Variants in GRIN2A observed in about 807,000 individuals in gnomAD.
GRIN2A encodes glutamate receptor ionotropic, NMDA 2A.
GRIN2A carries 22 observed loss-of-function variants against 113.4 expected under a neutral mutation model. The observed-to-expected ratio is 0.19, with a 90% CI of 0.14 to 0.28. The LOEUF is 0.28. GRIN2A is among the 10% of genes least tolerant of loss of function. The probability of loss-of-function intolerance (pLI) is 1.00; values close to 1 mark genes in which losing one functional copy is unlikely to be tolerated. For synonymous variants in GRIN2A, 827 were observed against 738.4 expected (o/e 1.12, Z -1.94); for missense variants, 1,502 against 1,887.0 (o/e 0.80, Z 3.78).
intron 12 of GRIN2A, among the ~76,000 whole-genome samples, chr16:9,767,666 G>A (rs181114405): frequency 3.3e-4 from 50 of 152,266 alleles, no homozygotes; most frequent in African/African-American, 1.1e-3. Context: ...TAAATAGATG[G>A]ATGCATAGAT....
At chr16:10,028,192 G>A (rs1235996194) in intron 2 of GRIN2A, among the ~76,000 whole-genome samples, 1 of 152,238 alleles carries the variant, frequency 6.6e-6, no homozygotes, top group Non-Finnish European at 1.5e-5. Flanking sequence ...CAGGAACTGT[G>A]ATTGTGCCCA....
chr16:9,803,195 G>A (rs1451255728), intron 10 of GRIN2A, among the ~76,000 whole-genome samples: 3 of 151,944 alleles, frequency 2.0e-5, no homozygotes, highest in African/African-American at 4.8e-5. Flanking sequence ...ACCTGAGGTC[G>A]GGAGTTTGAG....
intron 2 of GRIN2A, among the ~76,000 whole-genome samples, chr16:10,060,567 G>A (rs537639437): frequency 2.6e-5 from 4 of 152,276 alleles, no homozygotes; most frequent in South Asian, 2.1e-4. Flanking sequence ...AATGCTAACT[G>A]CATGCTAAAA....
chr16:10,069,191 G>C (rs1226809615), intron 2 of GRIN2A, among the ~76,000 whole-genome samples: 1 of 152,190 alleles, frequency 6.6e-6, no homozygotes, highest in Non-Finnish European at 1.5e-5. Context: ...GAGACCAGTG[G>C]AGGCTGCTTC....
intron 2 of GRIN2A, among the ~76,000 whole-genome samples, chr16:9,998,921 A>G (rs2046273787): frequency 6.6e-6 from 1 of 152,178 alleles, no homozygotes. Context: ...GCTGAGGGAC[A>G]TAAACATCCT....
chr16:10,055,611 A>G (rs939618377), intron 2 of GRIN2A, among the ~76,000 whole-genome samples: 4 of 152,258 alleles, frequency 2.6e-5, no homozygotes, highest in Non-Finnish European at 4.4e-5. Context: ...ACCAAGCTGC[A>G]AACTCCCTAT....
rs1268346603 is a variant in GRIN2A at position 9,764,245 on chromosome 16, T to C, written c.3299A>G (p.Glu1100Gly). 5 of 1,613,972 alleles carry C rather than the reference T, an allele frequency of 3.1e-6. No individual in the cohort carries two copies. The highest frequency in any genetic ancestry group is 1.3e-5 in the African/African-American group (1 of 74,894). ...VASKYPKDCS[E>G]VERTYLKTKS... The stretch of plus-strand genomic sequence containing the variant: ...GGTTTTCAGGTAGGTGCGCTCGACC[T>C]CACTACAGTCCTTGGGGTATTTGGA... Residue 1100 changes from glutamate to glycine, a missense_variant, in exon 13 of 13, where the codon GAG becomes GGG. This residue lies in a region of GRIN2A where 832 missense variants were observed against 789.7 expected (regional missense o/e 1.05). Coordinates refer to ENST00000330684, the MANE Select transcript of GRIN2A (RefSeq NM_001134407.3).
rs895893672 is a variant in GRIN2A, at chr16:9,758,354, C to A, written c.*4795G>T. ...AAATGCGAGCAGAATATATTCTATA[C>A]CCCTCATCCCAGAGTTTTGTTTTTT... On this transcript the variant is annotated 3_prime_UTR_variant, in exon 13 of 13. Coordinates refer to ENST00000330684, the MANE Select transcript of GRIN2A (RefSeq NM_001134407.3). 1 of 223,734 alleles carries A rather than the reference C, an allele frequency of 4.5e-6. No individual in the cohort carries two copies. Among genetic ancestry groups the A allele is most frequent in the South Asian group, 1.8e-4 (1 of 5,434 alleles). 13.9% of individuals were successfully genotyped at this position (223,734 alleles called of 1,614,324 possible). A position where few individuals can be genotyped will look rare whatever the true frequency, so the allele number is the denominator to read the frequency against.
chr16:10,138,885 T>C (rs1266668886), intron 2 of GRIN2A, among the ~76,000 whole-genome samples: 1 of 152,240 alleles, frequency 6.6e-6, no homozygotes, highest in Non-Finnish European at 1.5e-5. Context: ...GGATAGTTTA[T>C]TGAATGATGA....
At chr16:10,026,907 C>T (rs2046832932) in intron 2 of GRIN2A, among the ~76,000 whole-genome samples, 1 of 152,202 alleles carries the variant, frequency 6.6e-6, no homozygotes, top group African/African-American at 2.4e-5. Context: ...CGATCAAGTT[C>T]TCTCCTATTC....
In GRIN2A at chr16:9,769,034, C is replaced by T; in HGVS notation, c.2412G>A (p.Lys804=). The T allele has an allele frequency of 6.2e-7, 1 of 1,614,218 alleles. No individual in the cohort carries two copies. Among genetic ancestry groups the T allele is most frequent in the Non-Finnish European group, 8.5e-7 (1 of 1,180,030 alleles). Residue 804 remains lysine (K), a synonymous_variant, in exon 12 of 13, where the codon AAG becomes AAA. Transcript: ENST00000330684. ...LWLTGICHNE[K]NEVMSSQLDI... is the part of the protein sequence containing the mutation. ...CCAGCTGGCTGCTCATCACCTCGTT[C>T]TTCTCGTTGTGGCAGATCCCAGTGA...
chr16:10,148,174 C>T (rs1344119775), intron 2 of GRIN2A, among the ~76,000 whole-genome samples: 2 of 152,196 alleles, frequency 1.3e-5, no homozygotes, highest in Non-Finnish European at 2.9e-5. Context: ...ATCCAGTCCA[C>T]CACCCAGTTT....
intron 2 of GRIN2A, among the ~76,000 whole-genome samples, chr16:9,967,390 T>C (rs1485863683): frequency 6.6e-6 from 1 of 152,120 alleles, no homozygotes; most frequent in African/African-American, 2.4e-5. Context: ...GGAGCTAAGC[T>C]ATGACGATGC....
chr16:10,135,469 T>C (rs1207982565), intron 2 of GRIN2A, among the ~76,000 whole-genome samples: 1 of 152,240 alleles, frequency 6.6e-6, no homozygotes, highest in Non-Finnish European at 1.5e-5. Flanking sequence ...TTTTCTCTGA[T>C]GTGTCTCCAA....
chr16:10,090,071 A>T (rs1457901161), intron 2 of GRIN2A, among the ~76,000 whole-genome samples: 1 of 152,182 alleles, frequency 6.6e-6, no homozygotes, highest in African/African-American at 2.4e-5. Context: ...TTTAGTATTT[A>T]GGACCTACCA....
At chr16:10,007,932 G>A (rs535073626) in intron 2 of GRIN2A, among the ~76,000 whole-genome samples, 1 of 152,236 alleles carries the variant, frequency 6.6e-6, no homozygotes, top group East Asian at 1.9e-4. Context: ...AGCTTACTCT[G>A]ACAAGTCATT....
Position 9,755,977 on chromosome 16 carries a change from G to C in GRIN2A, c.*7172C>G, listed in dbSNP as rs1027892444. ...GCAGAAACTCTATTTCCTATTCCCT[G>C]TCCCACCTCTGAAACTCATTCCATC... On this transcript the variant is annotated 3_prime_UTR_variant, in exon 13 of 13. Transcript: ENST00000330684. 1 of 218,544 alleles carries C rather than the reference G, an allele frequency of 4.6e-6. No individual in the cohort carries two copies. Among genetic ancestry groups the C allele is most frequent in the African/African-American group, 2.2e-5 (1 of 44,520 alleles). The allele number at this position is 218,544 out of a possible 1,614,324, so 13.5% of individuals were successfully genotyped here.
At chr16:9,903,356 A>G (rs1479166395) in intron 3 of GRIN2A, among the ~76,000 whole-genome samples, 2 of 152,030 alleles carry the variant, frequency 1.3e-5, no homozygotes, top group African/African-American at 4.8e-5. Context: ...ACTTTCACAC[A>G]TTTGGTCCCA....
chr16:10,043,990 CGTGT>C (rs754929136), intron 2 of GRIN2A, among the ~76,000 whole-genome samples: 1 of 107,600 alleles, frequency 9.3e-6, no homozygotes, highest in African/African-American at 3.6e-5. Context: ...TATACACATA[CGTGT>C]GTGTGTGTGT....
Sources: allele counts gnomAD v4.1 joint callset (sites outside exome capture counted in the v4.1 genomes callset), GRCh38; gene constraint gnomAD v4.1.1; regional missense constraint gnomAD v4.1.1; transcripts MANE v1.5; gene names NCBI Gene and HGNC (gene_info 2026-07-23, HGNC 2026-07-21).